The following NCOR1 variants were observed in gnomAD, a reference collection of about 807,000 sequenced individuals.
NCOR1 encodes the protein nuclear receptor corepressor 1.
NCOR1 carries 63 observed loss-of-function variants against 288.1 expected under a neutral mutation model. That is an observed-to-expected ratio of 0.22 (90% CI 0.18 to 0.27). The LOEUF is 0.27. Among genes scored for constraint, NCOR1 ranks in the 10% least tolerant of loss-of-function variants. The probability of loss-of-function intolerance (pLI) is 1.00; values close to 1 mark genes in which losing one functional copy is unlikely to be tolerated. For synonymous variants in NCOR1, 1,007 were observed against 1,065.9 expected, an observed-to-expected ratio of 0.94 and a Z score of 1.08; for missense variants, 2,397 against 3,019.2, an observed-to-expected ratio of 0.79 and a Z score of 4.83.
intron 4 of NCOR1, among the ~76,000 whole-genome samples, chr17:16,166,379 C>T (rs1414281425): frequency 6.6e-6 from 1 of 152,066 alleles, no homozygotes; most frequent in Non-Finnish European, 1.5e-5. Context: ...CAGTATGTTT[C>T]ATCTAAATAA....
At chr17:16,137,439 G>A (rs751926744) in intron 13 of NCOR1, 27 bp from the exon 14 acceptor site, 4 of 1,271,310 alleles carry the variant, frequency 3.1e-6, no homozygotes, top group Non-Finnish European at 4.3e-6. Flanking sequence ...AATTATTTTT[G>A]AGGATCCAAT....
At chr17:16,100,336 A>C (rs1221192861) in intron 20 of NCOR1, among the ~76,000 whole-genome samples, 2 of 152,218 alleles carry the variant, frequency 1.3e-5, no homozygotes, top group Non-Finnish European at 2.9e-5. Context: ...ATTAACCTTT[A>C]ATGACTAAAG....
chr17:16,212,551 T>C (rs1052590707), intron 1 of NCOR1, among the ~76,000 whole-genome samples: 1 of 152,170 alleles, frequency 6.6e-6, no homozygotes, highest in African/African-American at 2.4e-5. Context: ...TGGAACTAAA[T>C]ATGCAAGAGT....
At chr17:16,115,046 C>T (rs570954362) in intron 18 of NCOR1, among the ~76,000 whole-genome samples, 1 of 152,152 alleles carries the variant, frequency 6.6e-6, no homozygotes, top group Non-Finnish European at 1.5e-5. Context: ...CCTCTGAAAT[C>T]TAGGCAGAGG....
At position 16,080,469 on chromosome 17, in the gene NCOR1, T is replaced by G; in HGVS notation, c.3339A>C (p.Arg1113=). Reference sequence around the variant, plus strand: ...GACCCTCAGGTTGTGAGTTTTGGCTTCGGGGAGAAAATTCTTCCTGCTTGA... The same window carrying G: ...GACCCTCAGGTTGTGAGTTTTGGCTGCGGGGAGAAAATTCTTCCTGCTTGA... ...PYIKQEEFSP[R]SQNSQPEGLL... Residue 1113 remains arginine (R), a synonymous_variant, in exon 25 of 46, where the codon CGA becomes CGC. Transcript: ENST00000268712. The G allele has an allele frequency of 6.2e-7, 1 of 1,614,234 alleles. No homozygotes were observed. Among genetic ancestry groups the G allele is most frequent in the Non-Finnish European group, 8.5e-7 (1 of 1,180,046 alleles).
chr17:16,112,545 G>C (rs2070506045), intron 18 of NCOR1, among the ~76,000 whole-genome samples: 1 of 152,138 alleles, frequency 6.6e-6, no homozygotes, highest in South Asian at 2.1e-4. Context: ...CGCCCGGCTG[G>C]AGTACAGTGG....
chr17:16,125,715 A>C (rs887898047), intron 15 of NCOR1, among the ~76,000 whole-genome samples: 2 of 151,856 alleles, frequency 1.3e-5, no homozygotes, highest in African/African-American at 2.4e-5. Context: ...AAAAAAAAAA[A>C]AAAAAAACTA....
At chr17:16,205,851 C>T (rs1367842718) in intron 1 of NCOR1, among the ~76,000 whole-genome samples, 7 of 150,090 alleles carry the variant, frequency 4.7e-5, no homozygotes, top group South Asian at 2.1e-4. Flanking sequence ...GCAGGAGAAT[C>T]GCTTGAACCC....
intron 18 of NCOR1, among the ~76,000 whole-genome samples, chr17:16,113,004 G>A (rs1311195543): frequency 6.6e-6 from 1 of 152,056 alleles, no homozygotes; most frequent in East Asian, 1.9e-4. Context: ...TCTGCCTCCT[G>A]GGTTCACACC....
intron 2 of NCOR1, among the ~76,000 whole-genome samples, 175 bp downstream of exon 2, chr17:16,194,287 G>T (rs189636761): frequency 0.035 from 3,239 of 93,582 alleles, 60 homozygotes; most frequent in Non-Finnish European, 0.052. Context: ...TAAAGCCACA[G>T]TAAGACAGAA....
intron 13 of NCOR1, chr17:16,137,841 A>G (rs1484029803): frequency 3.6e-6 from 1 of 275,986 alleles, no homozygotes; most frequent in Non-Finnish European, 6.6e-6. Flanking sequence ...CATCGTTCCA[A>G]TTTTAGTATT....
In NCOR1 at chr17:16,083,164, C is replaced by T. The variant is rs55947727; in HGVS notation, c.3178-2437G>A. On this transcript the variant is annotated intron_variant, in intron 23 of 45. Transcript: ENST00000268712. ...TGGAGAATTGTTTGAAACTGGGAGG[C>T]GGAGGTTGCAGTGAGCCGAGATCGT... Among the ~76,000 whole-genome samples, 386 of 151,290 alleles carry T rather than the reference C, an allele frequency of 2.6e-3. 1 individual carries two copies. Among genetic ancestry groups the T allele is most frequent in the Non-Finnish European group, 3.8e-3 (260 of 67,844 alleles).
intron 6 of NCOR1, among the ~76,000 whole-genome samples, chr17:16,155,393 C>CACACACACACA (rs200326632): frequency 1.2e-4 from 18 of 149,008 alleles, no homozygotes; most frequent in African/African-American, 4.5e-4. Flanking sequence ...ACACACACAC[C>CACACACACACA]CACAAAGATA....
intron 3 of NCOR1, among the ~76,000 whole-genome samples, chr17:16,181,089 G>GCT: frequency 6.6e-6 from 1 of 152,242 alleles, no homozygotes; most frequent in African/African-American, 2.4e-5. Context: ...AACCCAGGAG[G>GCT]TGGAGGTTGC....
At chr17:16,122,308 A>AT (rs2073167900) in intron 15 of NCOR1, among the ~76,000 whole-genome samples, 1 of 152,140 alleles carries the variant, frequency 6.6e-6, no homozygotes, top group Non-Finnish European at 1.5e-5. Flanking sequence ...GAAGATGCTG[A>AT]TTTTTTTCAA....
At chr17:16,111,109 T>C (rs1229563479) in intron 18 of NCOR1, among the ~76,000 whole-genome samples, 1 of 152,180 alleles carries the variant, frequency 6.6e-6, no homozygotes, top group Non-Finnish European at 1.5e-5. Flanking sequence ...GCCCAGTGTA[T>C]GTCCCTCTCT....
chr17:16,148,676 A>AC (rs1335517643), intron 9 of NCOR1, among the ~76,000 whole-genome samples: 9 of 149,130 alleles, frequency 6.0e-5, no homozygotes, highest in Non-Finnish European at 1.0e-4. Flanking sequence ...AAAAAAAAAA[A>AC]AAAAAAAAAA....
chr17:16,049,927 G>A (rs937686076), intron 40 of NCOR1, among the ~76,000 whole-genome samples: 21 of 152,032 alleles, frequency 1.4e-4, no homozygotes, highest in South Asian at 4.1e-4. Flanking sequence ...GGTCCCGCTC[G>A]TTGCCCAGGC....
chr17:16,108,673 G>T, intron 19 of NCOR1, 113 bp downstream of exon 19: 1 of 855,058 alleles, frequency 1.2e-6, no homozygotes. Context: ...TCCACACCAT[G>T]AAAACACTGG....
Sources: gnomAD v4.1 joint callset for allele counts (sites outside exome capture counted in the v4.1 genomes callset) on GRCh38, gnomAD v4.1.1 for gene constraint, MANE v1.5 for transcripts, NCBI Gene and HGNC (gene_info 2026-07-23, HGNC 2026-07-21) for gene names.